The following CHST1 variants were observed in gnomAD, a reference collection of about 807,000 sequenced individuals.
The protein encoded by CHST1 is carbohydrate sulfotransferase 1, also known as Keratan sulfotransferase.
In CHST1, 10 loss-of-function variants were observed where a neutral mutation model predicts 22.5. That is an observed-to-expected ratio of 0.44 (90% CI 0.27 to 0.75). The LOEUF is 0.75. Among genes scored for constraint, CHST1 ranks in the 30% least tolerant of loss-of-function variants. CHST1 has a pLI of 0.15. For synonymous variants in CHST1, 267 were observed against 264.5 expected, an observed-to-expected ratio of 1.01 and a Z score of -0.09; for missense variants, 439 against 576.1, an observed-to-expected ratio of 0.76 and a Z score of 2.44.
chr11:45,652,484 T>G (rs1590689000), intron 2 of CHST1, 37 bp downstream of exon 2: 1 of 152,036 alleles, frequency 6.6e-6, no homozygotes, highest in Non-Finnish European at 1.5e-5. Flanking sequence ...CCCCAGGAAG[T>G]GGGTTAGCAG....
In CHST1 at chr11:45,649,459, G is replaced by A; in HGVS notation, c.*229C>T. Reference sequence around the variant, plus strand: ...CATCCATGTGTCTGAATGGGGGGGGGGGGGGCGGGACCCTACTTCAGGCGC... The same window carrying A: ...CATCCATGTGTCTGAATGGGGGGGGAGGGGGCGGGACCCTACTTCAGGCGC... On this transcript the variant is annotated 3_prime_UTR_variant, in exon 4 of 4. Coordinates refer to ENST00000308064, the MANE Select transcript of CHST1 (RefSeq NM_003654.6). 1.9e-6 allele frequency: 1 copy of A among 537,514 alleles called. No individual in the cohort carries two copies. Among genetic ancestry groups the A allele is most frequent in the East Asian group, 3.0e-5 (1 of 33,130 alleles). 33.3% of individuals were successfully genotyped at this position (537,514 alleles called of 1,614,324 possible). A position where few individuals can be genotyped will look rare whatever the true frequency, so the allele number is the denominator to read the frequency against.
intron 1 of CHST1, among the ~76,000 whole-genome samples, chr11:45,660,638 A>G (rs1852119617): frequency 6.6e-6 from 1 of 152,154 alleles, no homozygotes. Flanking sequence ...TAATCTCTCA[A>G]TCAGTGGTAC....
At chr11:45,662,365 G>A (rs1407112311) in intron 1 of CHST1, among the ~76,000 whole-genome samples, 1 of 152,206 alleles carries the variant, frequency 6.6e-6, no homozygotes, top group South Asian at 2.1e-4. Flanking sequence ...TCCTAGACAG[G>A]TAGGGTCTGA....
intron 1 of CHST1, among the ~76,000 whole-genome samples, chr11:45,662,329 T>A (rs1045760368): frequency 6.6e-6 from 1 of 152,176 alleles, no homozygotes; most frequent in African/African-American, 2.4e-5. Context: ...GAGCTGCCTG[T>A]CCATCTGGAT....
intron 1 of CHST1, among the ~76,000 whole-genome samples, chr11:45,658,699 GGTT>G (rs951356243): frequency 1.3e-5 from 2 of 152,104 alleles, no homozygotes; most frequent in Non-Finnish European, 2.9e-5. Context: ...AGAAGGTCCC[GGTT>G]CCCTGTCTCA....
In CHST1 at chr11:45,654,345, G is replaced by A. The variant is rs956942714; in HGVS notation, c.-226-1739C>T. 3.3e-5 allele frequency among the ~76,000 whole-genome samples: 5 copies of A among 152,226 alleles called. 1 individual carries two copies. Among genetic ancestry groups the A allele is most frequent in the East Asian group, 3.9e-4 (2 of 5,194 alleles). The stretch of plus-strand genomic sequence containing the variant: ...CCTCACAAGGTGTGGCCTGGACACC[G>A]AGGAGGGGCATGTGTTTGAAGGCCC... On this transcript the variant is annotated intron_variant, in intron 1 of 3. Coordinates refer to ENST00000308064, the MANE Select transcript of CHST1 (RefSeq NM_003654.6).
rs1564995691 is a variant in CHST1, at chr11:45,649,865, CGAGTTTCGCACGGT to C, written c.1045_1058del (p.Thr349GlyfsTer75). 1 of 1,611,140 alleles carries C rather than the reference CGAGTTTCGCACGGT, an allele frequency of 6.2e-7. No homozygotes were observed. The highest frequency in any genetic ancestry group is 1.3e-5 in the African/African-American group (1 of 75,066). ...AGCGCCACTTCTCGGCCGTGGCCGC[CGAGTTTCGCACGGT>C]GCCGTATTTGTGCTTGCCCAGGGTG... On this transcript the variant is annotated frameshift_variant, in exon 4 of 4. Coordinates refer to ENST00000308064, the MANE Select transcript of CHST1 (RefSeq NM_003654.6). LOFTEE classifies it high-confidence loss of function.
intron 1 of CHST1, among the ~76,000 whole-genome samples, chr11:45,662,579 G>A (rs1321385746): frequency 6.6e-6 from 1 of 152,196 alleles, no homozygotes; most frequent in East Asian, 1.9e-4. Flanking sequence ...GAGCATGCTT[G>A]GGGAGTTTCT....
At chr11:45,664,239 C>T (rs761365772) in intron 1 of CHST1, among the ~76,000 whole-genome samples, 22 of 152,348 alleles carry the variant, frequency 1.4e-4, no homozygotes, top group Non-Finnish European at 2.9e-5. Context: ...AGCCACCTCC[C>T]CTGCCCCAGC....
chr11:45,654,112 A>T (rs371855719), intron 1 of CHST1, among the ~76,000 whole-genome samples: 3 of 152,204 alleles, frequency 2.0e-5, no homozygotes, highest in Non-Finnish European at 4.4e-5. Context: ...TGGGGTTCCA[A>T]TTCCAAAAGC....
chr11:45,662,696 T>C (rs1428801577), intron 1 of CHST1, among the ~76,000 whole-genome samples: 1 of 152,182 alleles, frequency 6.6e-6, no homozygotes, highest in East Asian at 1.9e-4. Flanking sequence ...ACAACAATGC[T>C]ATCAGGTCGG....
chr11:45,650,987 G>T lies in CHST1; in HGVS notation c.-42-22C>A. On this transcript the variant is annotated intron_variant, in intron 3 of 3. Transcript: ENST00000308064. ...AGGTCTGTGGGCAAAGGCGGCCAGCGGTCAGGTGCCTCCACGGCGGGGGCA... is the reference window on the plus strand; with the variant it reads ...AGGTCTGTGGGCAAAGGCGGCCAGCTGTCAGGTGCCTCCACGGCGGGGGCA... 1.3e-5 allele frequency: 19 copies of T among 1,491,728 alleles called. No homozygotes were observed. The South Asian group carries it at 2.6e-4, about 20-fold the overall frequency. 92.4% of individuals were successfully genotyped at this position (1,491,728 alleles called of 1,614,324 possible).
chr11:45,657,260 A>C (rs11038606), intron 1 of CHST1, among the ~76,000 whole-genome samples: 5,124 of 152,034 alleles, frequency 0.034, 114 homozygotes, highest in Non-Finnish European at 0.051. Flanking sequence ...AAATGCATAA[A>C]ACAGCAAGGC....
Position 45,650,270 on chromosome 11 carries a change from G to A in CHST1, c.654C>T (p.Ala218=). The A allele has an allele frequency of 6.2e-7, 1 of 1,606,628 alleles. No homozygotes were observed. Among genetic ancestry groups the A allele is most frequent in the South Asian group, 1.1e-5 (1 of 91,020 alleles). Reference sequence around the variant, plus strand: ...GGTTTAATCGCGGGTCTTCCACCAGGGCGCGCAGGTCGTTCACCTCGGGCA... The same window carrying A: ...GGTTTAATCGCGGGTCTTCCACCAGAGCGCGCAGGTCGTTCACCTCGGGCA... The part of the protein sequence containing the change: ...VRVPEVNDLR[A]LVEDPRLNLK... The change falls in exon 4 of 4, where the codon GCC becomes GCT. Residue 218 remains alanine, a synonymous_variant. Transcript: ENST00000308064.
Position 45,650,042 on chromosome 11 carries a change from C to A in CHST1, c.882G>T (p.Lys294Asn). The change falls in exon 4 of 4, where the codon AAG (lysine) becomes AAT (asparagine). Residue 294 changes from lysine to asparagine, a missense_variant. Transcript: ENST00000308064. ...STGLMRPPWL[K>N]GKYMLVRYED... ...CGTAGCGCACCAACATGTACTTGCC[C>A]TTGAGCCACGGGGGCCGCATGAGGC... The A allele has an allele frequency of 1.2e-6, 2 of 1,614,120 alleles. No homozygotes were observed. The highest frequency in any genetic ancestry group is 1.7e-6 in the Non-Finnish European group (2 of 1,180,024).
chr11:45,651,017 C>T (rs1381321461), intron 3 of CHST1, 52 bp from the exon 4 acceptor site: 2 of 1,366,024 alleles, frequency 1.5e-6, no homozygotes, highest in Non-Finnish European at 1.9e-6. Context: ...GGGGCACTGG[C>T]TTGTCCCTTG....
At position 45,650,755 on chromosome 11, in the gene CHST1, G is replaced by C; in HGVS notation, c.169C>G (p.Leu57Val). ...ATGAGGATGTGGGTCTTGCGGGAGA[G>C]GTTGTAGGCGAAGGTGGGGCTCTCC... ...CEESPTFAYN[L>V]SRKTHILILA... The change falls in exon 4 of 4, where the codon CTC becomes GTC. Residue 57 changes from leucine to valine, a missense_variant. Coordinates refer to ENST00000308064, the MANE Select transcript of CHST1 (RefSeq NM_003654.6). 9.3e-6 allele frequency: 15 copies of C among 1,614,162 alleles called. No homozygotes were observed. Among genetic ancestry groups the C allele is most frequent in the Non-Finnish European group, 1.3e-5 (15 of 1,180,012 alleles).
rs368682727 is a variant in CHST1, at chr11:45,650,659, G to T, written c.265C>A (p.Leu89Met). 6.2e-6 allele frequency: 10 copies of T among 1,614,138 alleles called. No homozygotes were observed. Among genetic ancestry groups the T allele is most frequent in the Non-Finnish European group, 5.1e-6 (6 of 1,180,002 alleles). ...TGGACGTGGTAGAGGGGCTCAAACA[G>T]GTAGAAGACGTCCAGGTGCTGGTTG... ...LFNQHLDVFY[L>M]FEPLYHVQNT... Residue 89 changes from leucine to methionine, a missense_variant, in exon 4 of 4, where the codon CTG becomes ATG. Leu to Met is a conservative substitution (Grantham distance 15). Coordinates refer to ENST00000308064, the MANE Select transcript of CHST1 (RefSeq NM_003654.6).
intron 1 of CHST1, among the ~76,000 whole-genome samples, chr11:45,656,459 G>A (rs1852063631): frequency 6.6e-6 from 1 of 152,166 alleles, no homozygotes; most frequent in Non-Finnish European, 1.5e-5. Context: ...TTAAGGAGGT[G>A]GACATGTATA....
Sources: gnomAD v4.1 joint callset for allele counts (sites outside exome capture counted in the v4.1 genomes callset) on GRCh38, gnomAD v4.1.1 for gene constraint, MANE v1.5 for transcripts, NCBI Gene and HGNC (gene_info 2026-07-23, HGNC 2026-07-21) for gene names.